ADK: variants seen among roughly 807,000 people sequenced by gnomAD.
ADK encodes the protein adenosine kinase.
A neutral mutation model predicts 44.7 loss-of-function variants in ADK; 24 were observed. The ratio of observed to expected loss-of-function variants is 0.54; its 90% CI spans 0.39 to 0.76. The LOEUF is 0.76. Among genes scored for constraint, ADK ranks in the 30% least tolerant of loss-of-function variants. The pLI is 0.00. For missense variants in ADK, 321 were observed against 425.1 expected (o/e 0.76, Z 2.15); for synonymous variants, 128 against 142.6 (o/e 0.90, Z 0.73).
chr10:74,390,881 C>T (rs1343938451), intron 4 of ADK, among the ~76,000 whole-genome samples: 3 of 152,120 alleles, frequency 2.0e-5, no homozygotes, highest in African/African-American at 4.8e-5. Flanking sequence ...TGCATCACAT[C>T]GTAAGGTTTA....
chr10:74,619,446 C>A (rs1191356385), intron 9 of ADK, among the ~76,000 whole-genome samples: 1 of 150,226 alleles, frequency 6.7e-6, no homozygotes. Flanking sequence ...CAGAGCAAGT[C>A]TCTGTCTCAA....
chr10:74,614,329 T>G (rs1415505447), intron 9 of ADK, among the ~76,000 whole-genome samples: 3 of 152,148 alleles, frequency 2.0e-5, no homozygotes. Flanking sequence ...GTCAGATTTG[T>G]TGAGATATAG....
chr10:74,327,180 G>A (rs1052678403), intron 4 of ADK, among the ~76,000 whole-genome samples: 1 of 151,900 alleles, frequency 6.6e-6, no homozygotes. Context: ...ATCACTTTTA[G>A]ACCTGCTTTT....
chr10:74,592,589 A>T (rs4746206), intron 8 of ADK, among the ~76,000 whole-genome samples: 17 of 152,108 alleles, frequency 1.1e-4, no homozygotes, highest in Non-Finnish European at 1.5e-4. Flanking sequence ...GATTTTTTTT[A>T]AATTTTAGAT....
intron 3 of ADK, among the ~76,000 whole-genome samples, chr10:74,313,391 A>C (rs1840512530): frequency 6.6e-6 from 1 of 152,054 alleles, no homozygotes; most frequent in Non-Finnish European, 1.5e-5. Flanking sequence ...AAGGATTATT[A>C]AATATTACTT....
chr10:74,383,831 A>C (rs1019281068), intron 4 of ADK, among the ~76,000 whole-genome samples: 1 of 152,140 alleles, frequency 6.6e-6, no homozygotes, highest in African/African-American at 2.4e-5. Context: ...TTTTCTGCAT[A>C]TAGTAAACAT....
At chr10:74,661,930 C>T (rs951153330) in intron 9 of ADK, among the ~76,000 whole-genome samples, 2 of 152,120 alleles carry the variant, frequency 1.3e-5, no homozygotes, top group African/African-American at 4.8e-5. Context: ...CCTGTATCTC[C>T]CCCAGAGGAT....
chr10:74,521,874 C>T (rs115585546), intron 6 of ADK, among the ~76,000 whole-genome samples: 203 of 152,202 alleles, frequency 1.3e-3, no homozygotes, highest in African/African-American at 4.6e-3. Context: ...CCTCTTAGAA[C>T]ACTTGAATAT....
At chr10:74,166,186 C>T (rs987105756) in intron 1 of ADK, among the ~76,000 whole-genome samples, 13 of 152,198 alleles carry the variant, frequency 8.5e-5, no homozygotes, top group South Asian at 2.1e-4. Flanking sequence ...GTGATCTGCC[C>T]GCCTCGGCCT....
rs574504485 is a variant in ADK at position 74,527,558 on chromosome 10, A to C, written c.726+2132A>C. 3.3e-5 allele frequency: 24 copies of C among 734,572 alleles called. No homozygotes were observed. In the African/African-American group the frequency reaches 3.6e-4, roughly 11 times the overall value. 45.5% of individuals were successfully genotyped at this position (734,572 alleles called of 1,614,324 possible). On this transcript the variant is annotated intron_variant, in intron 7 of 10. Coordinates refer to ENST00000539909, the MANE Select transcript of ADK (RefSeq NM_006721.4). ...AGAGCACGCAGAAAACTCTTTAATA[A>C]GAGCTCAAATTTGGAGGATAACGAG...
At chr10:74,699,217 C>G (rs1437115904) in intron 10 of ADK, among the ~76,000 whole-genome samples, 1 of 149,004 alleles carries the variant, frequency 6.7e-6, no homozygotes. Context: ...CAACCACACT[C>G]TGGGGCCTGA....
intron 4 of ADK, among the ~76,000 whole-genome samples, chr10:74,364,770 A>G (rs966205273): frequency 2.1e-4 from 31 of 148,750 alleles, no homozygotes; most frequent in African/African-American, 7.7e-4. Flanking sequence ...ATGAATTCCA[A>G]TGGATTCTAA....
intron 9 of ADK, among the ~76,000 whole-genome samples, chr10:74,619,551 A>G (rs1852906147): frequency 6.6e-6 from 1 of 152,044 alleles, no homozygotes; most frequent in Non-Finnish European, 1.5e-5. Context: ...GTTCTGTAGT[A>G]TAATCCTCTA....
intron 6 of ADK, among the ~76,000 whole-genome samples, chr10:74,492,036 T>TTGTA (rs1315713531): frequency 3.3e-5 from 5 of 152,232 alleles, no homozygotes; most frequent in Admixed American, 6.5e-5. Context: ...ACCACAGCTA[T>TTGTA]TGTATGTATG....
At position 74,232,550 on chromosome 10, in the gene ADK, C is replaced by CA. The variant is rs1335787116; in HGVS notation, c.194+7959_194+7960insA. ...AAACAAACAAACAACCCCCCCGCACCCCCCCCCCCCAAAAAAAAACAAACA... is the reference window on the plus strand; with the variant it reads ...AAACAAACAAACAACCCCCCCGCACCACCCCCCCCCCAAAAAAAAACAAACA... On this transcript the variant is annotated intron_variant, in intron 3 of 10. Transcript: ENST00000539909. Among the ~76,000 whole-genome samples the CA allele has an allele frequency of 4.1e-5, 2 of 48,570 alleles. 1 individual carries two copies. Among genetic ancestry groups the CA allele is most frequent in the East Asian group, 9.5e-4 (2 of 2,110 alleles). 31.9% of individuals were successfully genotyped at this position (48,570 alleles called of 152,430 possible). A position where few individuals can be genotyped will look rare whatever the true frequency, so the allele number is the denominator to read the frequency against.
intron 6 of ADK, among the ~76,000 whole-genome samples, chr10:74,484,975 G>A (rs762577257): frequency 1.2e-4 from 18 of 151,848 alleles, no homozygotes; most frequent in Non-Finnish European, 1.5e-4. Context: ...GTATGATCTC[G>A]GGGTGTGGAA....
intron 6 of ADK, among the ~76,000 whole-genome samples, chr10:74,414,816 G>GT (rs767079253): frequency 7.2e-5 from 11 of 151,972 alleles, no homozygotes; most frequent in South Asian, 4.2e-4. Flanking sequence ...TCTAATACCA[G>GT]TTTTTTTTGA....
rs1046152422 is a variant in ADK at position 74,188,192 on chromosome 10, C to T, written c.66-12572C>T. Among the ~76,000 whole-genome samples, 4 of 151,928 alleles carry T rather than the reference C, an allele frequency of 2.6e-5. No homozygotes were observed. In the South Asian group the frequency reaches 8.3e-4, roughly 31 times the overall value. On this transcript the variant is annotated intron_variant, in intron 1 of 10. Transcript: ENST00000539909. ...AAATTTCCTAATATTCTGTTATTGC[C>T]TGTATGAACTGCTGTATGTCTCCAT...
intron 9 of ADK, among the ~76,000 whole-genome samples, chr10:74,660,301 T>C (rs1303349077): frequency 6.6e-6 from 1 of 152,094 alleles, no homozygotes; most frequent in Non-Finnish European, 1.5e-5. Context: ...GCTAGTTTTT[T>C]TGTATTTTTT....
Sources: gnomAD v4.1 joint callset for allele counts (sites outside exome capture counted in the v4.1 genomes callset) on GRCh38, gnomAD v4.1.1 for gene constraint, MANE v1.5 for transcripts, NCBI Gene and HGNC (gene_info 2026-07-23, HGNC 2026-07-21) for gene names.